Variants in TTN observed in about 807,000 individuals in gnomAD.
TTN encodes the protein connectin.
TTN carries 1,525 observed loss-of-function variants against 3,223.0 expected under a neutral mutation model. The ratio of observed to expected loss-of-function variants is 0.47; its 90% CI spans 0.45 to 0.49. TTN has a LOEUF of 0.49. Ranked by LOEUF, TTN falls within the 20% of genes least tolerant of loss-of-function variation. The pLI is 0.00. For missense variants in TTN, 40,786 were observed against 43,424.0 expected (o/e 0.94, Z 5.40); for synonymous variants, 14,094 against 15,161.0 (o/e 0.93, Z 5.17).
In TTN at chr2:178,592,590, T is replaced by C; in HGVS notation, c.59415A>G (p.Arg19805=). 1 of 1,613,454 alleles carries C rather than the reference T, an allele frequency of 6.2e-7. No individual in the cohort carries two copies. Among genetic ancestry groups the C allele is most frequent in the Non-Finnish European group, 8.5e-7 (1 of 1,179,604 alleles). Residue 19805 remains arginine (R), a synonymous_variant, in exon 301 of 363, where the codon AGA becomes AGG. Transcript: ENST00000589042. ...EQHIKVGDTL[R]LSAIIKGVPF... ...GCACTCCTTTGATGATGGCACTAAG[T>C]CTTAGAGTATCACCAACTTTAATGT...
Position 178,566,587 on chromosome 2 carries a change from G to A in TTN, c.79545C>T (p.Gly26515=), listed in dbSNP as rs761713195. The A allele has an allele frequency of 1.7e-5, 27 of 1,612,380 alleles. No individual in the cohort carries two copies. The highest frequency in any genetic ancestry group is 1.6e-4 in the East Asian group (7 of 44,854). The part of the protein sequence containing the change: ...TLAWGKPIYD[G]GSEILGYVVE... ...CTACATATCCCAAGATCTCACTGCC[G>A]CCATCATAGATGGGTTTACCCCAGG... The change falls in exon 326 of 363, where the codon GGC becomes GGT. Residue 26515 remains glycine (G), a synonymous_variant. Transcript: ENST00000589042.
At chr2:178,727,510 T>C (rs1462048613) in intron 68 of TTN, 75 bp downstream of exon 68, 4 of 1,514,074 alleles carry the variant, frequency 2.6e-6, no homozygotes, top group Non-Finnish European at 3.5e-6. Context: ...CTTGATTGTT[T>C]AGAGACATTG....
rs772167133 is a variant in TTN, at chr2:178,567,788, T to G, written c.78344A>C (p.Asp26115Ala). Reference sequence around the variant, plus strand: ...GTAGCCTGTAATCATACTTCCACCATCATACACAGGTTTGGTCCACTGTAA... The same window carrying G: ...GTAGCCTGTAATCATACTTCCACCAGCATACACAGGTTTGGTCCACTGTAA... ...ITLQWTKPVY[D>A]GGSMITGYIV... Residue 26115 changes from aspartate (D) to alanine (A), a missense_variant, in exon 326 of 363, where the codon GAT (aspartate) becomes GCT (alanine). Physicochemically the swap from Asp to Ala is moderately radical, Grantham distance 126 (BLOSUM62 -2). Transcript: ENST00000589042. 18 of 1,613,490 alleles carry G rather than the reference T, an allele frequency of 1.1e-5. No homozygotes were observed. In the South Asian group the frequency reaches 1.9e-4, roughly 17 times the overall value.
rs779413774 is a variant in TTN at position 178,582,958 on chromosome 2, T to C, written c.65845A>G (p.Ile21949Val). The C allele has an allele frequency of 1.3e-6, 2 of 1,539,114 alleles. No homozygotes were observed. Among genetic ancestry groups the C allele is most frequent in the Non-Finnish European group, 1.8e-6 (2 of 1,141,654 alleles). ...ENSSGSKSAT[I>V]KLKVLDKPGP... The stretch of plus-strand genomic sequence containing the variant: ...TAGTTACCTAACACTTTAAGCTTAA[T>C]GGTGGCTGATTTAGAACCACTTGAA... Residue 21949 changes from isoleucine to valine, a missense_variant, in exon 313 of 363, where the codon ATT (isoleucine) becomes GTT (valine). By Grantham distance (29) the Ile-to-Val change is conservative. Coordinates refer to ENST00000589042, the MANE Select transcript of TTN (RefSeq NM_001267550.2).
At chr2:178,664,970 A>G (rs2065646587) in intron 165 of TTN, 44 bp from the exon 166 acceptor site, 1 of 1,558,426 alleles carries the variant, frequency 6.4e-7, no homozygotes, top group Non-Finnish European at 8.7e-7. Flanking sequence ...TAAAATGATT[A>G]ATGGAAAACA....
chr2:178,705,987 G>A (rs1018120816), intron 102 of TTN, among the ~76,000 whole-genome samples: 2 of 152,012 alleles, frequency 1.3e-5, no homozygotes, highest in East Asian at 1.9e-4. Flanking sequence ...TCTTAAATTC[G>A]GAAATTGATT....
chr2:178,709,472 A>T (rs1235189002), intron 99 of TTN, 94 bp downstream of exon 99: 1 of 1,295,150 alleles, frequency 7.7e-7, no homozygotes, highest in African/African-American at 1.5e-5. Context: ...ATTTGTTATA[A>T]CTTACTTGGT....
At chr2:178,746,145 A>G (rs1206936878) in intron 47 of TTN, 3 of 1,613,292 alleles carry the variant, frequency 1.9e-6, no homozygotes, top group Non-Finnish European at 2.5e-6. Context: ...GGCTCAATAC[A>G]CATATATTCT....
chr2:178,546,998 C>T lies in TTN; in HGVS notation c.94522+5G>A, dbSNP rs767084102. ...ACAAATATGCCCTTAAATTGTGATACATACCAACTGGATTTTGAGCCATTA... is the reference window on the plus strand; with the variant it reads ...ACAAATATGCCCTTAAATTGTGATATATACCAACTGGATTTTGAGCCATTA... On this transcript the variant is annotated splice_donor_5th_base_variant and intron_variant, in intron 340 of 362. Coordinates refer to ENST00000589042, the MANE Select transcript of TTN (RefSeq NM_001267550.2). 2.5e-6 allele frequency: 4 copies of T among 1,605,574 alleles called. No homozygotes were observed. The Admixed American group carries it at 5.0e-5, about 20-fold the overall frequency.
chr2:178,552,473 C>G lies in TTN; in HGVS notation c.90427G>C (p.Val30143Leu), dbSNP rs1287481084. Residue 30143 changes from valine to leucine, a missense_variant, in exon 335 of 363, where the codon GTG becomes CTG. Transcript: ENST00000589042. ...LSDIPGAQVT[V>L]RIGHNVHLEL... is the part of the protein sequence containing the mutation. ...AGGTGCACATTGTGCCCAATTCTCA[C>G]AGTGACTTGTGCCCCAGGGATATCT... is the stretch of plus-strand genomic sequence containing the variant. 1 of 1,610,758 alleles carries G rather than the reference C, an allele frequency of 6.2e-7. No individual in the cohort carries two copies. Among genetic ancestry groups the G allele is most frequent in the African/African-American group, 1.3e-5 (1 of 74,996 alleles).
At chr2:178,658,193 T>G in intron 185 of TTN, 36 bp from the exon 186 acceptor site, 1 of 1,450,770 alleles carries the variant, frequency 6.9e-7, no homozygotes, top group Non-Finnish European at 9.3e-7. Context: ...CTTAGGTTAA[T>G]GAAGAGGAAT....
chr2:178,647,258 G>C, intron 214 of TTN, 114 bp from the exon 215 acceptor site: 1 of 1,255,150 alleles, frequency 8.0e-7, no homozygotes, highest in Non-Finnish European at 1.1e-6. Context: ...AGATTATTCA[G>C]ATGACCCCCC....
chr2:178,745,617 C>T, intron 47 of TTN: 1 of 1,612,750 alleles, frequency 6.2e-7, no homozygotes, highest in Non-Finnish European at 8.5e-7. Flanking sequence ...AAGCTCTCAG[C>T]CATTCCTGAT....
intron 87 of TTN, 50 bp downstream of exon 87, chr2:178,717,473 T>C (rs1468176572): frequency 4.5e-6 from 7 of 1,562,850 alleles, no homozygotes; most frequent in Admixed American, 1.9e-5. Flanking sequence ...TTTGGTGGCC[T>C]GGAGCAGTGA....
rs377535587 is a variant in TTN at position 178,554,600 on chromosome 2, T to C, written c.88747A>G (p.Met29583Val). ...CACTCTTCCAAATGTTCAGACACCA[T>C]AGACCACACAACGCGGCTTGTCTCA... ...KRETSRVVWSMVSEHLEECII... is the reference protein window; with the variant it reads ...KRETSRVVWSVVSEHLEECII... The change falls in exon 332 of 363, where the codon ATG (methionine) becomes GTG (valine). Residue 29583 changes from methionine to valine, a missense_variant. Coordinates refer to ENST00000589042, the MANE Select transcript of TTN (RefSeq NM_001267550.2). 11 of 1,613,940 alleles carry C rather than the reference T, an allele frequency of 6.8e-6. No individual in the cohort carries two copies. Among genetic ancestry groups the C allele is most frequent in the African/African-American group, 6.7e-5 (5 of 75,030 alleles).
rs1260101727 is a variant in TTN at position 178,567,204 on chromosome 2, G to T, written c.78928C>A (p.Pro26310Thr). ...TSEKCSLTWS[P>T]PLQDGGSDIS... ...TCACTGCCACCATCTTGAAGTGGTGGAGACCATGTTAAAGAGCATTTTTCA... is the reference window on the plus strand; with the variant it reads ...TCACTGCCACCATCTTGAAGTGGTGTAGACCATGTTAAAGAGCATTTTTCA... Residue 26310 changes from proline (P) to threonine (T), a missense_variant, in exon 326 of 363, where the codon CCA becomes ACA. Coordinates refer to ENST00000589042, the MANE Select transcript of TTN (RefSeq NM_001267550.2). 6.2e-7 allele frequency: 1 copy of T among 1,612,066 alleles called. No individual in the cohort carries two copies. The highest frequency in any genetic ancestry group is 2.2e-5 in the East Asian group (1 of 44,818).
At chr2:178,727,397 A>G in intron 68 of TTN, 26 bp from the exon 69 acceptor site, 1 of 1,542,136 alleles carries the variant, frequency 6.5e-7, no homozygotes. Flanking sequence ...AGAGGAGAGT[A>G]TCAGGGAACA....
chr2:178,683,979 T>G lies in TTN; in HGVS notation c.32806+20A>C. 2 of 1,540,658 alleles carry G rather than the reference T, an allele frequency of 1.3e-6. No homozygotes were observed. Among genetic ancestry groups the G allele is most frequent in the Non-Finnish European group, 1.7e-6 (2 of 1,148,944 alleles). ...GGATGCTTATTTTGATTTTTTTTTT[T>G]TTTTTAAGAGTCAGTATACCTTTAG... On this transcript the variant is annotated intron_variant, in intron 133 of 362. Transcript: ENST00000589042.
chr2:178,711,055 C>T lies in TTN; in HGVS notation c.28174+7G>A, dbSNP rs1478656719. On this transcript the variant is annotated splice_region_variant and intron_variant, in intron 97 of 362. Transcript: ENST00000589042. ...TTCTAGAAATGAAAGTTTAAGAATCCACAAACCTGTGAGAATGAGCCTGGC... is the reference window on the plus strand; with the variant it reads ...TTCTAGAAATGAAAGTTTAAGAATCTACAAACCTGTGAGAATGAGCCTGGC... 6.4e-7 allele frequency: 1 copy of T among 1,566,786 alleles called. No homozygotes were observed. Among genetic ancestry groups the T allele is most frequent in the South Asian group, 1.2e-5 (1 of 82,270 alleles).
Sources: gnomAD v4.1 joint callset for allele counts (sites outside exome capture counted in the v4.1 genomes callset) on GRCh38, gnomAD v4.1.1 for gene constraint, MANE v1.5 for transcripts, NCBI Gene and HGNC (gene_info 2026-07-23, HGNC 2026-07-21) for gene names.